Variants in NFATC1 observed in about 807,000 individuals in gnomAD.
NFATC1 encodes the protein nuclear factor of activated T-cells, cytoplasmic 1.
NFATC1 carries 22 observed loss-of-function variants against 76.0 expected under a neutral mutation model. The ratio of observed to expected loss-of-function variants is 0.29; its 90% CI spans 0.21 to 0.41. The LOEUF (loss-of-function observed/expected upper bound fraction) is 0.41. NFATC1 is among the 10% of genes least tolerant of loss of function. The probability of loss-of-function intolerance (pLI) is 1.00; values close to 1 mark genes in which losing one functional copy is unlikely to be tolerated. For synonymous variants in NFATC1, 704 were observed against 613.1 expected (o/e 1.15, Z -2.19); for missense variants, 1,357 against 1,337.7 (o/e 1.01, Z -0.23).
At chr18:79,481,729 C>T (rs552038985) in intron 8 of NFATC1, among the ~76,000 whole-genome samples, 3 of 152,248 alleles carry the variant, frequency 2.0e-5, no homozygotes, top group Non-Finnish European at 4.4e-5. Flanking sequence ...CCCAGTGGGC[C>T]TCACTGTTGT....
At chr18:79,400,080 C>T (rs896904748) in intron 1 of NFATC1, among the ~76,000 whole-genome samples, 1 of 141,404 alleles carries the variant, frequency 7.1e-6, no homozygotes, top group Non-Finnish European at 1.6e-5. Context: ...GAGCCTGCGC[C>T]GGGCCGGGAC....
chr18:79,473,032 C>A (rs1166134928), intron 8 of NFATC1, among the ~76,000 whole-genome samples: 2 of 152,258 alleles, frequency 1.3e-5, no homozygotes, highest in Non-Finnish European at 2.9e-5. Flanking sequence ...TTGTGGGGGT[C>A]AAGCCGGGAC....
intron 9 of NFATC1, among the ~76,000 whole-genome samples, chr18:79,523,198 A>G (rs1601014478): frequency 1.3e-5 from 2 of 152,230 alleles, no homozygotes; most frequent in Non-Finnish European, 2.9e-5. Context: ...CTTAAAATGT[A>G]AGATCCTTAA....
intron 9 of NFATC1, among the ~76,000 whole-genome samples, chr18:79,526,068 A>C (rs2090753599): frequency 6.6e-6 from 1 of 152,220 alleles, no homozygotes; most frequent in African/African-American, 2.4e-5. Context: ...ACCCCCACAC[A>C]GAACAGAGCC....
intron 9 of NFATC1, among the ~76,000 whole-genome samples, chr18:79,499,226 A>G (rs1600935602): frequency 6.6e-6 from 1 of 152,250 alleles, no homozygotes; most frequent in East Asian, 1.9e-4. Flanking sequence ...GAAGGAAGTT[A>G]CAGCAAAGCA....
chr18:79,525,009 C>T (rs2090719962), intron 9 of NFATC1, among the ~76,000 whole-genome samples: 1 of 151,708 alleles, frequency 6.6e-6, no homozygotes. Flanking sequence ...CCCCACATCC[C>T]ATCATTACTA....
At chr18:79,433,774 G>A in intron 3 of NFATC1, 36 bp downstream of exon 3, 1 of 1,587,812 alleles carries the variant, frequency 6.3e-7, no homozygotes, top group Non-Finnish European at 8.6e-7. Context: ...GTCACTTGGT[G>A]CTTTTGTGGT....
intron 9 of NFATC1, chr18:79,493,612 C>T (rs952639108): frequency 6.6e-6 from 1 of 152,250 alleles, no homozygotes; most frequent in African/African-American, 2.4e-5. Flanking sequence ...CTCGCCCGCC[C>T]CTCCTGAGCC....
intron 8 of NFATC1, 61 bp from the exon 9 acceptor site, chr18:79,486,187 C>T (rs1156597936): frequency 1.7e-5 from 26 of 1,495,934 alleles, no homozygotes; most frequent in Non-Finnish European, 2.4e-5. Context: ...CAGCCACAAG[C>T]CTGCCTGATC....
In NFATC1 at chr18:79,426,954, A is replaced by G. The variant is rs536963202; in HGVS notation, c.1227-6625A>G. On this transcript the variant is annotated intron_variant, in intron 2 of 9. Transcript: ENST00000427363. ...GGGAAGCTCTGCAGGAGCTCAGGATAAACAGGTCCTTGGCTTGAAGCCTGC... is the reference window on the plus strand; with the variant it reads ...GGGAAGCTCTGCAGGAGCTCAGGATGAACAGGTCCTTGGCTTGAAGCCTGC... 1.1e-4 allele frequency among the ~76,000 whole-genome samples: 16 copies of G among 152,366 alleles called. No homozygotes were observed. The South Asian group carries it at 2.7e-3, about 26-fold the overall frequency.
intron 2 of NFATC1, among the ~76,000 whole-genome samples, chr18:79,412,923 G>A (rs1431741266): frequency 6.6e-6 from 1 of 152,196 alleles, no homozygotes; most frequent in Non-Finnish European, 1.5e-5. Flanking sequence ...AAAGGCTGGC[G>A]TATTCTAGGT....
At chr18:79,412,038 A>G (rs1002945954) in intron 2 of NFATC1, among the ~76,000 whole-genome samples, 1 of 152,230 alleles carries the variant, frequency 6.6e-6, no homozygotes, top group East Asian at 1.9e-4. Context: ...CAGAGCACCC[A>G]GTCCGCCACG....
intron 1 of NFATC1, among the ~76,000 whole-genome samples, chr18:79,408,371 A>G (rs746637309): frequency 6.6e-6 from 1 of 152,240 alleles, no homozygotes; most frequent in Non-Finnish European, 1.5e-5. Context: ...ATGAGGTTCC[A>G]AGATGTCATA....
At chr18:79,418,005 G>C (rs1287775802) in intron 2 of NFATC1, among the ~76,000 whole-genome samples, 2 of 152,148 alleles carry the variant, frequency 1.3e-5, no homozygotes, top group East Asian at 3.9e-4. Flanking sequence ...GTGGTGCTGT[G>C]GATGCGTCCT....
intron 2 of NFATC1, among the ~76,000 whole-genome samples, chr18:79,429,523 C>T (rs1459781674): frequency 6.6e-6 from 1 of 152,084 alleles, no homozygotes; most frequent in Non-Finnish European, 1.5e-5. Context: ...GGTCAGAGAC[C>T]CCCGACTGAA....
chr18:79,442,231 C>T (rs982503769), intron 3 of NFATC1, among the ~76,000 whole-genome samples: 2 of 152,206 alleles, frequency 1.3e-5, no homozygotes, highest in Non-Finnish European at 2.9e-5. Context: ...CGTGGAGACC[C>T]GCGTGCACGT....
At chr18:79,409,404 C>T (rs1325017365) in intron 1 of NFATC1, among the ~76,000 whole-genome samples, 26 of 151,462 alleles carry the variant, frequency 1.7e-4, no homozygotes, top group Non-Finnish European at 1.9e-4. Flanking sequence ...CTCCATTCCT[C>T]GTCCATCCAT....
chr18:79,397,643 ATTT>A (rs909160659), intron 1 of NFATC1, among the ~76,000 whole-genome samples: 9 of 151,882 alleles, frequency 5.9e-5, no homozygotes, highest in Non-Finnish European at 1.3e-4. Flanking sequence ...AGTTTAAAAA[ATTT>A]TTTTTTGTTG....
At chr18:79,504,481 C>A (rs8090984) in intron 9 of NFATC1, among the ~76,000 whole-genome samples, 9,050 of 152,258 alleles carry the variant, frequency 0.059, 395 homozygotes, top group Admixed American at 0.096. Context: ...CTTAGATGGG[C>A]ACAGTTCGTG....
Sources: allele counts gnomAD v4.1 joint callset (sites outside exome capture counted in the v4.1 genomes callset), GRCh38; gene constraint gnomAD v4.1.1; transcripts MANE v1.5; gene names NCBI Gene and HGNC (gene_info 2026-07-23, HGNC 2026-07-21).